The following AGPAT3 variants were observed in gnomAD, a reference collection of about 807,000 sequenced individuals.
AGPAT3 encodes the protein 1-acyl-sn-glycerol-3-phosphate acyltransferase gamma.
In AGPAT3, 5 loss-of-function variants were observed where a neutral mutation model predicts 47.3. That is an observed-to-expected ratio of 0.11 (90% CI 0.06 to 0.22). AGPAT3 has a LOEUF of 0.22. AGPAT3 is among the 10% of genes least tolerant of loss of function. AGPAT3 has a pLI of 1.00. For synonymous variants in AGPAT3, 212 were observed against 208.3 expected, an observed-to-expected ratio of 1.02 and a Z score of -0.15; for missense variants, 315 against 493.0, an observed-to-expected ratio of 0.64 and a Z score of 3.42.
At chr21:43,918,478 CAA>C (rs1454085129) in intron 2 of AGPAT3, among the ~76,000 whole-genome samples, 3 of 151,564 alleles carry the variant, frequency 2.0e-5, no homozygotes, top group Non-Finnish European at 4.4e-5. Context: ...GAAATGGAGA[CAA>C]GAGAAGAGAA....
intron 2 of AGPAT3, among the ~76,000 whole-genome samples, chr21:43,926,467 C>T (rs541374081): frequency 2.0e-5 from 3 of 152,142 alleles, no homozygotes; most frequent in South Asian, 2.1e-4. Flanking sequence ...GGTGGCCCAG[C>T]GTTGGCTCGG....
chr21:43,958,002 C>T (rs1029211745), intron 2 of AGPAT3, among the ~76,000 whole-genome samples: 5 of 152,232 alleles, frequency 3.3e-5, no homozygotes, highest in African/African-American at 7.2e-5. Context: ...AAATCTTTCA[C>T]GCTTCAAATA....
chr21:43,942,354 G>A (rs2087686900), intron 2 of AGPAT3, among the ~76,000 whole-genome samples: 1 of 152,230 alleles, frequency 6.6e-6, no homozygotes, highest in African/African-American at 2.4e-5. Context: ...TCCCAGAGCA[G>A]GAAGGCGGGC....
chr21:43,912,844 C>T (rs2086656084), intron 2 of AGPAT3, among the ~76,000 whole-genome samples: 1 of 152,180 alleles, frequency 6.6e-6, no homozygotes, highest in Admixed American at 6.5e-5. Context: ...TGTGCATGCA[C>T]GAGGCTGGCC....
rs1174660607 is a variant in AGPAT3 at position 43,930,629 on chromosome 21, T to C, written c.-49+26610T>C. On this transcript the variant is annotated intron_variant, in intron 2 of 9. Transcript: ENST00000291572. This position sits in a 1 kb window ranked among gnomAD's most constrained non-coding sequence, Gnocchi z 5.0. ...GTGGGCAGGCCTGGCGGGGTGAGGG[T>C]GGGTGGGTGTTTCTGTCGGGATGAG... Among the ~76,000 whole-genome samples the C allele has an allele frequency of 3.4e-5, 1 of 29,712 alleles. No homozygotes were observed. The allele number at this position is 29,712 out of a possible 152,430, so 19.5% of individuals were successfully genotyped here.
intron 3 of AGPAT3, among the ~76,000 whole-genome samples, chr21:43,964,638 TAAG>T (rs2089037413): frequency 6.6e-6 from 1 of 152,134 alleles, no homozygotes; most frequent in Non-Finnish European, 1.5e-5. Flanking sequence ...AGCATTAAAA[TAAG>T]AAATATTGAG....
chr21:43,884,585 T>C (rs2062007462), intron 1 of AGPAT3, among the ~76,000 whole-genome samples: 1 of 151,980 alleles, frequency 6.6e-6, no homozygotes, highest in Non-Finnish European at 1.5e-5. Context: ...TGGTGCTGGA[T>C]GCAGGGGTGC....
Position 43,981,490 on chromosome 21 carries a change from CT to C in AGPAT3, c.1042+304del, listed in dbSNP as rs2059659512. On this transcript the variant is annotated intron_variant, in intron 9 of 9. Coordinates refer to ENST00000291572, the MANE Select transcript of AGPAT3 (RefSeq NM_020132.5). The surrounding 1 kb of genome is among the most constrained non-coding windows in gnomAD (Gnocchi z 5.3). ...GTCCCCGAGAGGGTCCCCAGCCCCC[CT>C]GTCTGCTTTTGGGCTCTTAGGGGTC... 2 of 466,754 alleles carry C rather than the reference CT, an allele frequency of 4.3e-6. No individual in the cohort carries two copies. Among genetic ancestry groups the C allele is most frequent in the Non-Finnish European group, 3.9e-6 (1 of 253,956 alleles). 28.9% of individuals were successfully genotyped at this position (466,754 alleles called of 1,614,324 possible).
intron 2 of AGPAT3, among the ~76,000 whole-genome samples, chr21:43,921,283 C>T (rs1258695014): frequency 1.3e-5 from 2 of 152,304 alleles, no homozygotes; most frequent in African/African-American, 2.4e-5. Context: ...GCCCTGTGCT[C>T]CTCTCCGCCC....
chr21:43,926,904 A>G (rs2087073168), intron 2 of AGPAT3, among the ~76,000 whole-genome samples: 1 of 145,720 alleles, frequency 6.9e-6, no homozygotes, highest in African/African-American at 2.6e-5. Flanking sequence ...GCTTGAACCC[A>G]GGAGGTGGAG....
chr21:43,883,731 T>G (rs1380385113), intron 1 of AGPAT3, among the ~76,000 whole-genome samples: 1 of 152,152 alleles, frequency 6.6e-6, no homozygotes, highest in Non-Finnish European at 1.5e-5. Context: ...GTAGCTGAGG[T>G]TACAGGTGCC....
At chr21:43,968,194 G>A (rs2089229132) in intron 4 of AGPAT3, 79 bp downstream of exon 4, 1 of 1,512,968 alleles carries the variant, frequency 6.6e-7, no homozygotes, top group Non-Finnish European at 9.0e-7. Context: ...GACCCAGGGA[G>A]GGCCGGGGTG....
Position 43,922,027 on chromosome 21 carries a change from T to C in AGPAT3, c.-49+18008T>C, listed in dbSNP as rs181346437. On this transcript the variant is annotated intron_variant, in intron 2 of 9. Transcript: ENST00000291572. The surrounding 1 kb of genome is among the most constrained non-coding windows in gnomAD (Gnocchi z 4.9). ...TCTCTCGATGCCATTTTTGTGAAGG[T>C]TTAGCAAATACTTGATAGATTGTTG... is the stretch of plus-strand genomic sequence containing the variant. Among the ~76,000 whole-genome samples the C allele has an allele frequency of 1.3e-5, 2 of 152,174 alleles. No individual in the cohort carries two copies. The highest frequency in any genetic ancestry group is 4.8e-5 in the African/African-American group (2 of 41,436).
intron 1 of AGPAT3, among the ~76,000 whole-genome samples, chr21:43,893,230 C>A (rs1375021606): frequency 6.6e-6 from 1 of 152,214 alleles, no homozygotes. Context: ...GAAGATGTGG[C>A]TTCTTTTCTT....
chr21:43,932,249 C>T lies in AGPAT3; in HGVS notation c.-48-27385C>T, dbSNP rs997784440. Reference sequence around the variant, plus strand: ...TGAAACTGCTCCCTTTGATCAGCACCTCCCCTGCCCGTCCTTGCCCAAGCC... The same window carrying T: ...TGAAACTGCTCCCTTTGATCAGCACTTCCCCTGCCCGTCCTTGCCCAAGCC... On this transcript the variant is annotated intron_variant, in intron 2 of 9. Coordinates refer to ENST00000291572, the MANE Select transcript of AGPAT3 (RefSeq NM_020132.5). The surrounding 1 kb of genome is among the most constrained non-coding windows in gnomAD (Gnocchi z 5.2). Among the ~76,000 whole-genome samples, 1 of 152,146 alleles carries T rather than the reference C, an allele frequency of 6.6e-6. No individual in the cohort carries two copies. The highest frequency in any genetic ancestry group is 1.5e-5 in the Non-Finnish European group (1 of 68,010).
chr21:43,961,691 CAT>C lies in AGPAT3; in HGVS notation c.178+1833_178+1834del, dbSNP rs1292740851. Among the ~76,000 whole-genome samples the C allele has an allele frequency of 2.2e-4, 34 of 151,726 alleles. 2 individuals carry two copies. Among genetic ancestry groups the C allele is most frequent in the Admixed American group, 1.1e-3 (16 of 15,214 alleles). The stretch of plus-strand genomic sequence containing the variant: ...TGGTGAGCGCATAGATACTTTGTCT[CAT>C]GTGGGAAATGGTGAACCCACATACA... On this transcript the variant is annotated intron_variant, in intron 3 of 9. Transcript: ENST00000291572.
chr21:43,969,475 C>T (rs985769706), intron 5 of AGPAT3, among the ~76,000 whole-genome samples, 196 bp downstream of exon 5: 26 of 152,184 alleles, frequency 1.7e-4, no homozygotes, highest in African/African-American at 5.1e-4. Flanking sequence ...GCTTGCTACT[C>T]GCCGCAATCC....
intron 2 of AGPAT3, among the ~76,000 whole-genome samples, chr21:43,906,045 G>T (rs78109015): frequency 1.3e-5 from 2 of 152,182 alleles, no homozygotes; most frequent in African/African-American, 2.4e-5. Context: ...GATGGAAATC[G>T]GTTTGATCTC....
chr21:43,901,485 T>TA (rs910549226), intron 1 of AGPAT3, among the ~76,000 whole-genome samples: 15 of 150,186 alleles, frequency 1.0e-4, no homozygotes, highest in African/African-American at 1.2e-4. Context: ...ATGGAAGATA[T>TA]AAAAAAAAGA....
Sources: gnomAD v4.1 joint callset for allele counts (sites outside exome capture counted in the v4.1 genomes callset) on GRCh38, gnomAD v4.1.1 for gene constraint, Gnocchi (gnomAD v3.1) non-coding constraint, MANE v1.5 for transcripts, NCBI Gene and HGNC (gene_info 2026-07-23, HGNC 2026-07-21) for gene names.